Variants in ENOX1 observed in about 807,000 individuals in gnomAD.
ENOX1 encodes candidate growth-related and time keeping constitutive hydroquinone (NADH) oxidase.
ENOX1 carries 42 observed loss-of-function variants against 82.5 expected under a neutral mutation model. The ratio of observed to expected loss-of-function variants is 0.51; its 90% confidence interval spans 0.40 to 0.66. The LOEUF is 0.66. ENOX1 is among the 30% of genes least tolerant of loss of function. The pLI is 0.00. For missense variants in ENOX1, 608 were observed against 811.6 expected (o/e 0.75, Z 3.05); for synonymous variants, 271 against 282.2 (o/e 0.96, Z 0.40).
intron 2 of ENOX1, among the ~76,000 whole-genome samples, chr13:43,592,440 A>G (rs1322930477): frequency 6.6e-6 from 1 of 152,214 alleles, no homozygotes; most frequent in Non-Finnish European, 1.5e-5. Flanking sequence ...AAATACCATC[A>G]TTGCATTTTT....
At chr13:43,215,354 A>C (rs2041416921) in intron 16 of ENOX1, among the ~76,000 whole-genome samples, 1 of 152,230 alleles carries the variant, frequency 6.6e-6, no homozygotes, top group South Asian at 2.1e-4. Flanking sequence ...AATTGTTTTG[A>C]AATCTGAATG....
intron 1 of ENOX1, among the ~76,000 whole-genome samples, chr13:43,784,203 T>C (rs577090474): frequency 4.6e-5 from 7 of 152,234 alleles, no homozygotes; most frequent in Non-Finnish European, 8.8e-5. Context: ...TGTGTGCTGA[T>C]AGACATACAA....
chr13:43,274,223 T>C (rs759251110), intron 12 of ENOX1, among the ~76,000 whole-genome samples: 2 of 152,248 alleles, frequency 1.3e-5, no homozygotes, highest in Non-Finnish European at 2.9e-5. Flanking sequence ...GCTAAGGAAA[T>C]CCAATCAATG....
At chr13:43,474,763 G>T (rs970003531) in intron 3 of ENOX1, among the ~76,000 whole-genome samples, 1 of 151,998 alleles carries the variant, frequency 6.6e-6, no homozygotes, top group African/African-American at 2.4e-5. Context: ...CTAAGCCATT[G>T]GTGGTCTAAC....
At chr13:43,601,836 A>T (rs907218533) in intron 2 of ENOX1, among the ~76,000 whole-genome samples, 4 of 152,164 alleles carry the variant, frequency 2.6e-5, no homozygotes, top group African/African-American at 9.7e-5. Context: ...TGGAGCTCCA[A>T]TACGTCTGCT....
Position 43,396,598 on chromosome 13 carries a change from C to T in ENOX1, c.208+15318G>A, listed in dbSNP as rs547733701. Among the ~76,000 whole-genome samples the T allele has an allele frequency of 4.8e-3, 726 of 152,210 alleles. 2 individuals are homozygous for T. Among genetic ancestry groups the T allele is most frequent in the Non-Finnish European group, 8.0e-3 (546 of 68,012 alleles). Reference sequence around the variant, plus strand: ...GTTTCACCATGTTGGCCAGGCTGGTCTCGAACTCCTGACCTCAGGGGATCT... The same window carrying T: ...GTTTCACCATGTTGGCCAGGCTGGTTTCGAACTCCTGACCTCAGGGGATCT... On this transcript the variant is annotated intron_variant, in intron 5 of 16. Transcript: ENST00000690772.
chr13:43,454,236 C>T (rs2057113555), intron 3 of ENOX1, among the ~76,000 whole-genome samples: 1 of 152,042 alleles, frequency 6.6e-6, no homozygotes, highest in Non-Finnish European at 1.5e-5. Context: ...ACCACTCCTC[C>T]TTCCTGCTTC....
chr13:43,300,219 A>G (rs532073771), intron 11 of ENOX1, among the ~76,000 whole-genome samples: 1 of 152,266 alleles, frequency 6.6e-6, no homozygotes, highest in African/African-American at 2.4e-5. Flanking sequence ...CAGACCACAA[A>G]AAGAGGAGAC....
rs1949818550 is a variant in ENOX1, at chr13:43,742,888, G to T, written c.-285+43764C>A. Among the ~76,000 whole-genome samples, 3 of 104,644 alleles carry T rather than the reference G, an allele frequency of 2.9e-5. No individual in the cohort carries two copies. The South Asian group carries it at 1.4e-3, about 49-fold the overall frequency. 68.7% of individuals were successfully genotyped at this position (104,644 alleles called of 152,430 possible). A position where few individuals can be genotyped will look rare whatever the true frequency, so the allele number is the denominator to read the frequency against. The stretch of plus-strand genomic sequence containing the variant: ...CTGCAATTTTGGGGAATAGGGACAT[G>T]ATCGCTCAAACTACCGTGTGTAAAA... On this transcript the variant is annotated intron_variant, in intron 1 of 16. Transcript: ENST00000690772.
intron 1 of ENOX1, among the ~76,000 whole-genome samples, chr13:43,722,146 A>C (rs1365677911): frequency 1.3e-5 from 2 of 152,180 alleles, no homozygotes; most frequent in East Asian, 3.9e-4. Flanking sequence ...TTTTTGCAAA[A>C]TAGGGATAAA....
Position 43,360,068 on chromosome 13 carries a change from C to T in ENOX1, c.383-11G>A. The T allele has an allele frequency of 6.2e-7, 1 of 1,612,206 alleles. No homozygotes were observed. Among genetic ancestry groups the T allele is most frequent in the Non-Finnish European group, 8.5e-7 (1 of 1,178,488 alleles). On this transcript the variant is annotated splice_polypyrimidine_tract_variant and intron_variant, in intron 6 of 16. Transcript: ENST00000690772. ...AAGGAGGTGGAAGATCTAATAATCA[C>T]AACAAAACAGAAAGTTTTATCTTTC...
chr13:43,269,812 G>A (rs938724119), intron 12 of ENOX1, among the ~76,000 whole-genome samples: 2 of 152,134 alleles, frequency 1.3e-5, no homozygotes, highest in Non-Finnish European at 2.9e-5. Flanking sequence ...TATTTGTGAA[G>A]GCATCATTAT....
chr13:43,268,997 T>C (rs1309520945), intron 13 of ENOX1, among the ~76,000 whole-genome samples: 1 of 152,202 alleles, frequency 6.6e-6, no homozygotes, highest in Non-Finnish European at 1.5e-5. Flanking sequence ...ACAAACTTCA[T>C]ATAAAAGGTC....
chr13:43,379,021 A>C (rs1277355168), intron 5 of ENOX1, among the ~76,000 whole-genome samples: 1 of 152,160 alleles, frequency 6.6e-6, no homozygotes, highest in Non-Finnish European at 1.5e-5. Flanking sequence ...ACCCTCCATT[A>C]CCAGTTTTGA....
At chr13:43,326,990 A>G (rs565337165) in intron 9 of ENOX1, among the ~76,000 whole-genome samples, 21 of 152,324 alleles carry the variant, frequency 1.4e-4, no homozygotes, top group African/African-American at 5.1e-4. Context: ...GGACTCAATC[A>G]CAGTCCTCTC....
intron 2 of ENOX1, among the ~76,000 whole-genome samples, chr13:43,487,069 G>T (rs1322301656): frequency 6.6e-6 from 1 of 152,102 alleles, no homozygotes; most frequent in Non-Finnish European, 1.5e-5. Flanking sequence ...TACTCAGGAG[G>T]CTGAGGCAGG....
intron 2 of ENOX1, among the ~76,000 whole-genome samples, chr13:43,622,864 G>A (rs1226445824): frequency 6.6e-6 from 1 of 152,068 alleles, no homozygotes; most frequent in Non-Finnish European, 1.5e-5. Context: ...GGTGGGTAGG[G>A]AAGGACCATT....
At chr13:43,420,982 A>G (rs538868007) in intron 3 of ENOX1, among the ~76,000 whole-genome samples, 4 of 152,342 alleles carry the variant, frequency 2.6e-5, no homozygotes, top group Admixed American at 2.6e-4. Context: ...GTTTTGAGGA[A>G]TAGATTTAGA....
intron 11 of ENOX1, among the ~76,000 whole-genome samples, chr13:43,301,083 G>A (rs890577592): frequency 6.6e-6 from 1 of 152,224 alleles, no homozygotes; most frequent in African/African-American, 2.4e-5. Flanking sequence ...AAATGCAAAT[G>A]ATGAAGAAAG....
Sources: allele counts gnomAD v4.1 joint callset (sites outside exome capture counted in the v4.1 genomes callset), GRCh38; gene constraint gnomAD v4.1.1; transcripts MANE v1.5; gene names NCBI Gene and HGNC (gene_info 2026-07-23, HGNC 2026-07-21).